HCK: variants seen among roughly 807,000 people sequenced by gnomAD.
The protein encoded by HCK is HCK proto-oncogene, Src family tyrosine kinase, also known as tyrosine-protein kinase HCK.
HCK carries 40 observed loss-of-function variants against 70.4 expected under a neutral mutation model. The ratio of observed to expected loss-of-function variants is 0.57; its 90% CI spans 0.44 to 0.74. The LOEUF (loss-of-function observed/expected upper bound fraction) is 0.74, where lower values mean the gene tolerates loss of function less well. HCK is among the 30% of genes least tolerant of loss of function. HCK has a pLI of 0.00. For synonymous variants in HCK, 245 were observed against 263.2 expected (o/e 0.93, Z 0.67); for missense variants, 568 against 697.2 (o/e 0.81, Z 2.09).
intron 2 of HCK, chr20:32,072,123 T>G: frequency 3.6e-6 from 1 of 279,550 alleles, no homozygotes; most frequent in South Asian, 8.3e-5. Context: ...GAAGTGACAA[T>G]GTAATGGTAG....
chr20:32,063,073 G>A (rs1366828017), intron 1 of HCK, among the ~76,000 whole-genome samples: 3 of 152,128 alleles, frequency 2.0e-5, no homozygotes. Flanking sequence ...GGAGAGCTGA[G>A]TGCCAGTTTG....
chr20:32,088,683 A>G (rs750744039), intron 10 of HCK, 39 bp downstream of exon 10: 3 of 1,553,616 alleles, frequency 1.9e-6, no homozygotes, highest in Admixed American at 1.7e-5. Context: ...GGAAACAGGA[A>G]TTCGATTTTT....
In HCK at chr20:32,079,970, G is replaced by A. The variant is rs566468005; in HGVS notation, c.532+93G>A. Reference sequence around the variant, plus strand: ...TTCCTTGGAAAATGCCCTGGGAAAGGCTGAAAAACCCAACCAGGTGCTGTG... The same window carrying A: ...TTCCTTGGAAAATGCCCTGGGAAAGACTGAAAAACCCAACCAGGTGCTGTG... On this transcript the variant is annotated intron_variant, in intron 6 of 12. Transcript: ENST00000375852. 147 of 973,090 alleles carry A rather than the reference G, an allele frequency of 1.5e-4. No homozygotes were observed. The East Asian group carries it at 3.8e-3, about 25-fold the overall frequency. The allele number at this position is 973,090 out of a possible 1,614,324, so 60.3% of individuals were successfully genotyped here. A position where few individuals can be genotyped will look rare whatever the true frequency, so the allele number is the denominator to read the frequency against.
rs554905981 is a variant in HCK at position 32,097,512 on chromosome 20, G to A, written c.1247-1492G>A. Among the ~76,000 whole-genome samples the A allele has an allele frequency of 2.8e-4, 43 of 151,766 alleles. 1 individual carries two copies. The South Asian group carries it at 5.0e-3, about 18-fold the overall frequency. ...GAGAATGGCGTGAAAGCCGGGAGGCGGAACTTGCAGTGAGCTGAGATGACA... is the reference window on the plus strand; with the variant it reads ...GAGAATGGCGTGAAAGCCGGGAGGCAGAACTTGCAGTGAGCTGAGATGACA... On this transcript the variant is annotated intron_variant, in intron 11 of 12. Transcript: ENST00000375852.
chr20:32,053,335 G>A (rs2045210532), intron 1 of HCK, among the ~76,000 whole-genome samples: 1 of 151,954 alleles, frequency 6.6e-6, no homozygotes, highest in Non-Finnish European at 1.5e-5. Flanking sequence ...GTTGTTTAGA[G>A]GATTAATTGG....
intron 10 of HCK, among the ~76,000 whole-genome samples, chr20:32,093,490 C>CGTGTGTGTGTGT (rs3073297): frequency 0.089 from 13,052 of 146,206 alleles, 651 homozygotes; most frequent in South Asian, 0.16. Context: ...TCCTAGGGTT[C>CGTGTGTGTGTGT]GTGTGTGTGT....
At chr20:32,064,518 C>A (rs1600711279) in intron 1 of HCK, among the ~76,000 whole-genome samples, 1 of 152,206 alleles carries the variant, frequency 6.6e-6, no homozygotes, top group East Asian at 1.9e-4. Context: ...TCTAATCCAA[C>A]ATCTCATTTC....
chr20:32,052,568 G>T, intron 1 of HCK, 82 bp downstream of exon 1: 1 of 1,057,888 alleles, frequency 9.5e-7, no homozygotes, highest in Non-Finnish European at 1.2e-6. Flanking sequence ...AGCCTGGGGA[G>T]GGCTGGCTAC....
At position 32,063,354 on chromosome 20, in the gene HCK, G is replaced by A. The variant is rs150862806; in HGVS notation, c.63-8308G>A. ...TGTAGCCTCAACCTCCCAGGCTCAA[G>A]TGATCCTCCCACCTCAGCCTCCCAA... On this transcript the variant is annotated intron_variant, in intron 1 of 12. Coordinates refer to ENST00000375852, the MANE Select transcript of HCK (RefSeq NM_002110.5). Among the ~76,000 whole-genome samples, 365 of 152,270 alleles carry A rather than the reference G, an allele frequency of 2.4e-3. 1 individual carries two copies. Among genetic ancestry groups the A allele is most frequent in the African/African-American group, 8.4e-3 (349 of 41,552 alleles).
Position 32,057,121 on chromosome 20 carries a change from C to T in HCK, c.62+4635C>T, listed in dbSNP as rs1288234344. ...GCCCTGAGACTAGAACCCACGACTCCAGTGCTCTTCAGACAACCTCAGTGG... is the reference window on the plus strand; with the variant it reads ...GCCCTGAGACTAGAACCCACGACTCTAGTGCTCTTCAGACAACCTCAGTGG... On this transcript the variant is annotated intron_variant, in intron 1 of 12. Transcript: ENST00000375852. Among the ~76,000 whole-genome samples, 7 of 152,240 alleles carry T rather than the reference C, an allele frequency of 4.6e-5. No homozygotes were observed. In the East Asian group the frequency reaches 1.3e-3, roughly 29 times the overall value.
intron 5 of HCK, among the ~76,000 whole-genome samples, chr20:32,076,168 CA>C (rs954157054): frequency 6.6e-5 from 10 of 151,700 alleles, no homozygotes; most frequent in African/African-American, 2.4e-4. Context: ...ACTAAAAATA[CA>C]AAAAAAATTA....
chr20:32,094,968 C>T (rs6089171), intron 11 of HCK, among the ~76,000 whole-genome samples: 32,609 of 151,998 alleles, frequency 0.21, 3,883 homozygotes, highest in South Asian at 0.29. Flanking sequence ...CACTTGGTTT[C>T]GTTTTTGTGA....
rs139349926 is a variant in HCK, at chr20:32,079,855, C to T, written c.510C>T (p.Ile170=). Residue 170 remains isoleucine, a synonymous_variant, in exon 6 of 13, where the codon ATC becomes ATT. Coordinates refer to ENST00000375852, the MANE Select transcript of HCK (RefSeq NM_002110.5). ...GCAACATGCTGGGCTCCTTCATGAT[C>T]CGGGATAGCGAGACCACTAAAGGTG... 380 of 1,613,636 alleles carry T rather than the reference C, an allele frequency of 2.4e-4. 1 individual carries two copies. The African/African-American group carries it at 4.5e-3, about 19-fold the overall frequency.
At chr20:32,065,970 T>G (rs1487595768) in intron 1 of HCK, among the ~76,000 whole-genome samples, 1 of 152,162 alleles carries the variant, frequency 6.6e-6, no homozygotes, top group Non-Finnish European at 1.5e-5. Flanking sequence ...AAAATGCACA[T>G]TCTGATTTGG....
rs192624958 is a variant in HCK, at chr20:32,093,764, C to A, written c.1093-99C>A. On this transcript the variant is annotated intron_variant, in intron 10 of 12. Transcript: ENST00000375852. The stretch of plus-strand genomic sequence containing the variant: ...AAAGGGAGGGCTGGTGCAGACATTT[C>A]GCATTTTCTTCACTTGAACACCTCT... 3.9e-4 allele frequency: 448 copies of A among 1,153,440 alleles called. 9 individuals are homozygous for A. The East Asian group carries it at 0.012, about 30-fold the overall frequency. 71.5% of individuals were successfully genotyped at this position (1,153,440 alleles called of 1,614,324 possible).
rs758453485 is a variant in HCK, at chr20:32,083,898, C to A, written c.537C>A (p.Ser179Arg). 6.2e-7 allele frequency: 1 copy of A among 1,614,204 alleles called. No homozygotes were observed. The highest frequency in any genetic ancestry group is 8.5e-7 in the Non-Finnish European group (1 of 1,180,032). ...GTTTCTCTTTGGTCAATTCAGGAAG[C>A]TACTCTTTGTCCGTGCGAGACTACG... is the stretch of plus-strand genomic sequence containing the variant. The change falls in exon 7 of 13, where the codon AGC becomes AGA. Residue 179 changes from serine to arginine, a missense_variant. Physicochemically the swap from Ser to Arg is moderately radical, Grantham distance 110 (BLOSUM62 -1). Around this residue, in one of 4 missense-constraint regions of HCK, gnomAD observed 318 missense variants for 336.0 expected, o/e 0.95. Coordinates refer to ENST00000375852, the MANE Select transcript of HCK (RefSeq NM_002110.5).
intron 1 of HCK, among the ~76,000 whole-genome samples, chr20:32,054,449 C>A (rs1346074528): frequency 8.1e-6 from 1 of 123,018 alleles, no homozygotes; most frequent in Non-Finnish European, 1.6e-5. Flanking sequence ...GCACTCCAGC[C>A]TGGACAACAA....
At chr20:32,075,706 T>TC (rs2045613061) in intron 5 of HCK, among the ~76,000 whole-genome samples, 2 of 150,358 alleles carry the variant, frequency 1.3e-5, no homozygotes, top group African/African-American at 4.9e-5. Flanking sequence ...ATCCATCCAT[T>TC]CATCCATCCA....
At chr20:32,089,602 C>T (rs1288225778) in intron 10 of HCK, among the ~76,000 whole-genome samples, 1 of 152,182 alleles carries the variant, frequency 6.6e-6, no homozygotes, top group Non-Finnish European at 1.5e-5. Flanking sequence ...ATCGCAAAAA[C>T]ACTGCTGAAA....
Sources: allele counts gnomAD v4.1 joint callset (sites outside exome capture counted in the v4.1 genomes callset), GRCh38; gene constraint gnomAD v4.1.1; regional missense constraint gnomAD v4.1.1; transcripts MANE v1.5; gene names NCBI Gene and HGNC (gene_info 2026-07-23, HGNC 2026-07-21).